WWOX: variants seen among roughly 807,000 people sequenced by gnomAD.
WWOX encodes the protein WW domain-containing oxidoreductase.
A neutral mutation model predicts 46.2 loss-of-function variants in WWOX; 69 were observed. That is an observed-to-expected ratio of 1.49 (90% CI 1.23 to 1.82). The LOEUF is 1.82. Among genes scored for constraint, WWOX ranks in the 40% most tolerant of loss-of-function variants. The probability of loss-of-function intolerance (pLI) is 0.00; values close to 1 mark genes in which losing one functional copy is unlikely to be tolerated. For missense variants in WWOX, 919 were observed against 542.6 expected (o/e 1.69, Z -6.89); for synonymous variants, 359 against 202.6 (o/e 1.77, Z -6.56).
At chr16:78,444,310 C>G (rs894513826) in intron 8 of WWOX, among the ~76,000 whole-genome samples, 8 of 151,992 alleles carry the variant, frequency 5.3e-5, no homozygotes, top group Non-Finnish European at 1.2e-4. Context: ...CCTCAGTTTT[C>G]TTATCTGTAA....
intron 8 of WWOX, among the ~76,000 whole-genome samples, chr16:78,697,614 A>C (rs918208944): frequency 2.0e-5 from 3 of 152,210 alleles, no homozygotes; most frequent in African/African-American, 7.2e-5. Context: ...CAGTTCTCAA[A>C]AGAAGATACA....
At chr16:78,932,384 T>C (rs1033949423) in intron 8 of WWOX, among the ~76,000 whole-genome samples, 1 of 152,282 alleles carries the variant, frequency 6.6e-6, no homozygotes, top group East Asian at 1.9e-4. Flanking sequence ...GTGTTTTTCT[T>C]TGTATAGACA....
At chr16:78,960,889 T>A (rs1408660126) in intron 8 of WWOX, among the ~76,000 whole-genome samples, 1 of 152,246 alleles carries the variant, frequency 6.6e-6, no homozygotes, top group Non-Finnish European at 1.5e-5. Flanking sequence ...GAAGACTTGA[T>A]GTCAAAAGTA....
At chr16:78,607,398 A>G (rs981656655) in intron 8 of WWOX, among the ~76,000 whole-genome samples, 2 of 152,204 alleles carry the variant, frequency 1.3e-5, no homozygotes, top group Non-Finnish European at 2.9e-5. Context: ...GAGTTTGGAA[A>G]GTTGTCAGCT....
chr16:78,752,350 C>T (rs571259965), intron 8 of WWOX, among the ~76,000 whole-genome samples: 6 of 152,284 alleles, frequency 3.9e-5, no homozygotes, highest in South Asian at 2.1e-4. Context: ...TACAGTGATG[C>T]GATCTCAGCT....
chr16:78,911,520 G>GT lies in WWOX; in HGVS notation c.1057-300087dup, dbSNP rs202238283. 7.6e-3 allele frequency among the ~76,000 whole-genome samples: 1,149 copies of GT among 152,048 alleles called. 12 individuals carry two copies. The highest frequency in any genetic ancestry group is 0.012 in the Non-Finnish European group (848 of 67,968). On this transcript the variant is annotated intron_variant, in intron 8 of 8. Coordinates refer to ENST00000566780, the MANE Select transcript of WWOX (RefSeq NM_016373.4). ...AGGAGAGAAATGGACAATTCTTTTG[G>GT]TAATTGAATGAAATAAGACTCTTAG...
chr16:79,180,575 A>G (rs888661340), intron 8 of WWOX, among the ~76,000 whole-genome samples: 17 of 152,170 alleles, frequency 1.1e-4, no homozygotes, highest in African/African-American at 3.6e-4. Context: ...GGAACCTTAG[A>G]AACCCTGAAG....
Position 78,869,835 on chromosome 16 carries a change from G to C in WWOX, c.1057-341773G>C, listed in dbSNP as rs78687391. Among the ~76,000 whole-genome samples the C allele has an allele frequency of 9.2e-5, 14 of 152,322 alleles. No homozygotes were observed. The East Asian group carries it at 2.7e-3, about 29-fold the overall frequency. On this transcript the variant is annotated intron_variant, in intron 8 of 8. Transcript: ENST00000566780. ...TCAGCATTTGCTTTGGAGTAAGTTT[G>C]TGTGTGTATGTTTATCTCCCTTTTA...
In WWOX at chr16:78,499,229, G is replaced by T. The variant is rs2245006; in HGVS notation, c.1056+66477G>T. ...AGCTCAGTGAGATGGCTTTGCTTTG[G>T]GGGGGTGAGGGGGCGGAGGTGGTGG... On this transcript the variant is annotated intron_variant, in intron 8 of 8. Coordinates refer to ENST00000566780, the MANE Select transcript of WWOX (RefSeq NM_016373.4). 1.9e-4 allele frequency among the ~76,000 whole-genome samples: 29 copies of T among 151,892 alleles called. No individual in the cohort carries two copies. The South Asian group carries it at 1.9e-3, about 10-fold the overall frequency.
intron 8 of WWOX, among the ~76,000 whole-genome samples, chr16:79,024,431 A>T (rs1196759973): frequency 6.6e-6 from 1 of 151,658 alleles, no homozygotes; most frequent in Non-Finnish European, 1.5e-5. Flanking sequence ...GCTGATTTTT[A>T]AATTTTTTTT....
intron 5 of WWOX, among the ~76,000 whole-genome samples, chr16:78,338,502 A>G (rs1289629948): frequency 8.2e-6 from 1 of 121,862 alleles, no homozygotes; most frequent in Non-Finnish European, 2.0e-5. Context: ...AAGGGCACAT[A>G]AAATATTCTT....
intron 8 of WWOX, chr16:78,552,004 G>C (rs925685404): frequency 7.9e-5 from 12 of 152,270 alleles, no homozygotes; most frequent in African/African-American, 2.4e-4. Context: ...ACTGGCTCTT[G>C]GTTGGGGGGT....
At chr16:78,732,191 T>G (rs1259597890) in intron 8 of WWOX, among the ~76,000 whole-genome samples, 1 of 152,022 alleles carries the variant, frequency 6.6e-6, no homozygotes, top group Non-Finnish European at 1.5e-5. Context: ...TTTACTGACT[T>G]ACTTATTACT....
chr16:78,901,221 T>C (rs2044823855), intron 8 of WWOX, among the ~76,000 whole-genome samples: 1 of 152,190 alleles, frequency 6.6e-6, no homozygotes, highest in Non-Finnish European at 1.5e-5. Flanking sequence ...AATGAAGACA[T>C]AGACTTTGAA....
At chr16:78,849,177 A>T (rs369470167) in intron 8 of WWOX, among the ~76,000 whole-genome samples, 1 of 152,190 alleles carries the variant, frequency 6.6e-6, no homozygotes, top group Admixed American at 6.5e-5. Context: ...CTGCCCAAAC[A>T]TACAAGAGTC....
At chr16:78,838,732 A>G (rs2052058627) in intron 8 of WWOX, among the ~76,000 whole-genome samples, 1 of 152,126 alleles carries the variant, frequency 6.6e-6, no homozygotes, top group South Asian at 2.1e-4. Context: ...AATCCCAGCA[A>G]CTCGGGAGGC....
At chr16:79,188,051 T>A (rs2051055065) in intron 8 of WWOX, among the ~76,000 whole-genome samples, 1 of 152,196 alleles carries the variant, frequency 6.6e-6, no homozygotes, top group East Asian at 1.9e-4. Context: ...CCTGGGTAGT[T>A]ATGCTCTTTT....
intron 8 of WWOX, among the ~76,000 whole-genome samples, chr16:79,095,813 G>A (rs540018942): frequency 6.6e-6 from 1 of 150,878 alleles, no homozygotes; most frequent in Admixed American, 6.6e-5. Flanking sequence ...TACTCCTCCA[G>A]GTTGCCCTCG....
At chr16:78,363,130 CTGTGTGTGTATGTGTTTGTGTGTG>C (rs1017167642) in intron 5 of WWOX, among the ~76,000 whole-genome samples, 9 of 151,902 alleles carry the variant, frequency 5.9e-5, no homozygotes, top group East Asian at 1.9e-4. Context: ...CCAGTGGTCA[CTGTGTGTGTATGTGTTTGTGTGTG>C]TGTGTGTGTA....
Sources: allele counts gnomAD v4.1 joint callset (sites outside exome capture counted in the v4.1 genomes callset), GRCh38; gene constraint gnomAD v4.1.1; transcripts MANE v1.5; gene names NCBI Gene and HGNC (gene_info 2026-07-23, HGNC 2026-07-21).